The following PCOLCE2 variants were observed in gnomAD, a reference collection of about 807,000 sequenced individuals.
PCOLCE2 encodes the protein procollagen C-proteinase enhancer 2.
PCOLCE2 carries 42 observed loss-of-function variants against 47.0 expected under a neutral mutation model. The observed-to-expected ratio is 0.89, with a 90% CI of 0.70 to 1.16. PCOLCE2 has a LOEUF of 1.16. Among genes scored for constraint, PCOLCE2 ranks in the 50% most tolerant of loss-of-function variants. The pLI, the probability that PCOLCE2 is intolerant of heterozygous loss-of-function variation, is 0.00. For synonymous variants in PCOLCE2, 169 were observed against 191.7 expected (o/e 0.88, Z 0.98); for missense variants, 500 against 526.1 (o/e 0.95, Z 0.49).
At chr3:142,880,443 C>T (rs7637508) in intron 2 of PCOLCE2, among the ~76,000 whole-genome samples, 25,691 of 152,138 alleles carry the variant, frequency 0.17, 3,616 homozygotes, top group African/African-American at 0.39. Context: ...TAAGTGACTT[C>T]AAAGTTGAGT....
rs149835532 is a variant in PCOLCE2 at position 142,853,214 on chromosome 3, T to C, written c.193-4742A>G. 6.2e-3 allele frequency among the ~76,000 whole-genome samples: 942 copies of C among 152,120 alleles called. 9 individuals carry two copies. The highest frequency in any genetic ancestry group is 0.024 in the Middle Eastern group (7 of 294). ...GAGAAGAAGGAAAAATAAAAATACA[T>C]AGGACCTTCACAAGCTATTCCTTCT... On this transcript the variant is annotated intron_variant, in intron 2 of 8. Transcript: ENST00000295992.
intron 2 of PCOLCE2, among the ~76,000 whole-genome samples, chr3:142,880,297 C>T (rs1933588321): frequency 6.6e-6 from 1 of 150,688 alleles, no homozygotes; most frequent in African/African-American, 2.4e-5. Flanking sequence ...AATTCTAAAT[C>T]CTACGTGCAG....
At chr3:142,859,140 G>A (rs1474668834) in intron 2 of PCOLCE2, among the ~76,000 whole-genome samples, 1 of 151,298 alleles carries the variant, frequency 6.6e-6, no homozygotes, top group African/African-American at 2.4e-5. Context: ...TCAGCTCATT[G>A]CAACCTCCTC....
intron 5 of PCOLCE2, among the ~76,000 whole-genome samples, chr3:142,834,831 C>A (rs1206709834): frequency 6.6e-6 from 1 of 152,070 alleles, no homozygotes; most frequent in Non-Finnish European, 1.5e-5. Context: ...TTCATACTAG[C>A]TTTATAAAAT....
intron 5 of PCOLCE2, 129 bp from the exon 6 acceptor site, chr3:142,829,975 C>T (rs749689645): frequency 1.1e-4 from 60 of 538,440 alleles, no homozygotes; most frequent in Non-Finnish European, 1.7e-4. Flanking sequence ...AAAGTTAAAA[C>T]GTTTAAAAAT....
rs1937282613 is a variant in PCOLCE2 at position 142,843,018 on chromosome 3, C to T, written c.479G>A (p.Arg160Lys). Residue 160 changes from arginine (R) to lysine (K), a missense_variant, in exon 4 of 9, where the codon AGA (arginine) becomes AAA (lysine). Transcript: ENST00000295992. ...GGGGGTTTTAAAAGAGCCGGAAGGT[C>T]TGTCAAGGAGTCCTCCACAATACTG... is the stretch of plus-strand genomic sequence containing the variant. ...GDQYCGGLLD[R>K]PSGSFKTPNW... 1.2e-6 allele frequency: 2 copies of T among 1,613,950 alleles called. No homozygotes were observed. Among genetic ancestry groups the T allele is most frequent in the Non-Finnish European group, 1.7e-6 (2 of 1,179,856 alleles).
chr3:142,868,552 T>C (rs1308208900), intron 2 of PCOLCE2, among the ~76,000 whole-genome samples: 1 of 152,170 alleles, frequency 6.6e-6, no homozygotes. Context: ...TGACTCATTC[T>C]GATCACCTGC....
rs1936972778 is a variant in PCOLCE2, at chr3:142,818,272, T to G, written c.*63A>C. 7.0e-7 allele frequency: 1 copy of G among 1,433,668 alleles called. No homozygotes were observed. 88.8% of individuals were successfully genotyped at this position (1,433,668 alleles called of 1,614,324 possible). A position where few individuals can be genotyped will look rare whatever the true frequency, so the allele number is the denominator to read the frequency against. On this transcript the variant is annotated 3_prime_UTR_variant, in exon 9 of 9. Coordinates refer to ENST00000295992, the MANE Select transcript of PCOLCE2 (RefSeq NM_013363.4). ...ATTTTATAAGTATTTTTTTTTCTAC[T>G]GAGAGAACATAGATCTTTCAAAGGC...
intron 4 of PCOLCE2, among the ~76,000 whole-genome samples, chr3:142,840,708 G>A (rs1255947656): frequency 6.6e-6 from 1 of 152,182 alleles, no homozygotes; most frequent in East Asian, 1.9e-4. Context: ...TTTGGGTCCA[G>A]TGACTTCTTA....
At chr3:142,831,855 G>A (rs183035953) in intron 5 of PCOLCE2, among the ~76,000 whole-genome samples, 23 of 152,280 alleles carry the variant, frequency 1.5e-4, no homozygotes, top group African/African-American at 4.6e-4. Context: ...TTTTCTCAAG[G>A]AAGAGTATTT....
intron 2 of PCOLCE2, among the ~76,000 whole-genome samples, chr3:142,882,275 T>G (rs1381136236): frequency 6.6e-6 from 1 of 152,132 alleles, no homozygotes; most frequent in East Asian, 1.9e-4. Context: ...TTGAACACCT[T>G]GCTGCAAGCG....
chr3:142,818,146 G>C lies in PCOLCE2; in HGVS notation c.*189C>G, dbSNP rs2108180422. The C allele has an allele frequency of 2.0e-6, 1 of 496,842 alleles. No individual in the cohort carries two copies. The highest frequency in any genetic ancestry group is 3.6e-6 in the Non-Finnish European group (1 of 281,414). 30.8% of individuals were successfully genotyped at this position (496,842 alleles called of 1,614,324 possible). ...CAATCAGATAGCTGCTCCTCTGACA[G>C]CAGGCAAAGAACTTCCCTCAGCTAT... is the stretch of plus-strand genomic sequence containing the variant. On this transcript the variant is annotated 3_prime_UTR_variant, in exon 9 of 9. Transcript: ENST00000295992.
chr3:142,887,478 T>A (rs1933737658), intron 2 of PCOLCE2, 191 bp downstream of exon 2: 2 of 517,902 alleles, frequency 3.9e-6, no homozygotes, highest in African/African-American at 3.9e-5. Context: ...CCCTTTGTAA[T>A]CACTAATGCA....
intron 2 of PCOLCE2, among the ~76,000 whole-genome samples, chr3:142,880,279 C>T (rs567037370): frequency 6.7e-6 from 1 of 149,826 alleles, no homozygotes; most frequent in African/African-American, 2.5e-5. Context: ...AAATTTAAGT[C>T]TCTATATAAT....
chr3:142,851,092 T>C (rs538803857), intron 2 of PCOLCE2, among the ~76,000 whole-genome samples: 12 of 152,202 alleles, frequency 7.9e-5, no homozygotes, highest in South Asian at 4.2e-4. Flanking sequence ...AAAGCATATA[T>C]AGAATTTTTT....
chr3:142,864,020 A>C (rs1001164589), intron 2 of PCOLCE2: 2 of 152,152 alleles, frequency 1.3e-5, no homozygotes, highest in African/African-American at 4.8e-5. Context: ...TCATAAAAAC[A>C]AGACACTAGT....
At chr3:142,871,426 G>GT (rs1474477401) in intron 2 of PCOLCE2, among the ~76,000 whole-genome samples, 1 of 152,226 alleles carries the variant, frequency 6.6e-6, no homozygotes, top group African/African-American at 2.4e-5. Context: ...TTGAGTGGCT[G>GT]TGGCTCTTAG....
intron 2 of PCOLCE2, among the ~76,000 whole-genome samples, chr3:142,851,879 A>G (rs1932947978): frequency 6.6e-6 from 1 of 152,300 alleles, no homozygotes; most frequent in South Asian, 2.1e-4. Context: ...TCTCTCCTGT[A>G]GAGAGGTGTT....
chr3:142,854,340 G>A lies in PCOLCE2; in HGVS notation c.193-5868C>T, dbSNP rs1044260169. Reference sequence around the variant, plus strand: ...AAAGCTCGAGGCACAGTTGATCTACGTAAAGCTCGAGGTGACCACTCAGTG... The same window carrying A: ...AAAGCTCGAGGCACAGTTGATCTACATAAAGCTCGAGGTGACCACTCAGTG... On this transcript the variant is annotated intron_variant, in intron 2 of 8. Transcript: ENST00000295992. 1.2e-4 allele frequency among the ~76,000 whole-genome samples: 3 copies of A among 24,050 alleles called. No homozygotes were observed. In the East Asian group the frequency reaches 1.3e-3, roughly 11 times the overall value. 15.8% of individuals were successfully genotyped at this position (24,050 alleles called of 152,430 possible).
Sources: gnomAD v4.1 joint callset for allele counts (sites outside exome capture counted in the v4.1 genomes callset) on GRCh38, gnomAD v4.1.1 for gene constraint, MANE v1.5 for transcripts, NCBI Gene and HGNC (gene_info 2026-07-23, HGNC 2026-07-21) for gene names.